PYGB: variants seen among roughly 807,000 people sequenced by gnomAD.
The protein encoded by PYGB is glycogen phosphorylase B.
A neutral mutation model predicts 94.3 loss-of-function variants in PYGB; 82 were observed. The ratio of observed to expected loss-of-function variants is 0.87; its 90% CI spans 0.73 to 1.04. PYGB has a LOEUF of 1.04. Ranked by LOEUF, PYGB falls within the 50% of genes least tolerant of loss-of-function variation. The pLI is 0.00. For missense variants in PYGB, 1,132 were observed against 1,158.2 expected (o/e 0.98, Z 0.33); for synonymous variants, 488 against 479.1 (o/e 1.02, Z -0.24).
chr20:25,295,635 A>C lies in PYGB; in HGVS notation c.2344A>C (p.Met782Leu), dbSNP rs1568701998. 2 of 1,614,086 alleles carry C rather than the reference A, an allele frequency of 1.2e-6. No homozygotes were observed. The highest frequency in any genetic ancestry group is 1.7e-6 in the Non-Finnish European group (2 of 1,179,994). ...GGTGTTTGCAGACTATGAAGCCTAC[A>C]TGCAGTGCCAGGCACAGGTGGACCA... ...FKVFADYEAYMQCQAQVDQLY... is the reference protein window; with the variant it reads ...FKVFADYEAYLQCQAQVDQLY... Residue 782 changes from methionine to leucine, a missense_variant, in exon 19 of 20, where the codon ATG becomes CTG. Coordinates refer to ENST00000216962, the MANE Select transcript of PYGB (RefSeq NM_002862.4).
At chr20:25,263,432 G>C (rs140966142) in intron 2 of PYGB, among the ~76,000 whole-genome samples, 2 of 152,154 alleles carry the variant, frequency 1.3e-5, no homozygotes, top group African/African-American at 4.8e-5. Context: ...TAGTAACTAA[G>C]AGCAGAACTG....
At chr20:25,282,501 G>T (rs897297729) in intron 12 of PYGB, among the ~76,000 whole-genome samples, 1 of 152,270 alleles carries the variant, frequency 6.6e-6, no homozygotes, top group Non-Finnish European at 1.5e-5. Context: ...CAAGCTCCCT[G>T]AGGAAATGAG....
At chr20:25,273,487 T>C (rs1417798687) in intron 4 of PYGB, among the ~76,000 whole-genome samples, 2 of 152,232 alleles carry the variant, frequency 1.3e-5, no homozygotes, top group Admixed American at 1.3e-4. Flanking sequence ...GGGCTGCCTG[T>C]TCATTCTGAA....
intron 11 of PYGB, among the ~76,000 whole-genome samples, 166 bp downstream of exon 11, chr20:25,281,278 T>C (rs2088364865): frequency 6.6e-6 from 1 of 152,168 alleles, no homozygotes; most frequent in Non-Finnish European, 1.5e-5. Flanking sequence ...CCTGTCAGGG[T>C]CACGCCTTGT....
At chr20:25,278,577 T>C in intron 8 of PYGB, 115 bp downstream of exon 8, 1 of 1,371,652 alleles carries the variant, frequency 7.3e-7, no homozygotes, top group Non-Finnish European at 9.8e-7. Flanking sequence ...ATGCCCCTTG[T>C]CTTGGGGTCT....
At position 25,296,477 on chromosome 20, in the gene PYGB, G is replaced by C. The variant is rs1457762145; in HGVS notation, c.2487G>C (p.Glu829Asp). 6.8e-6 allele frequency: 11 copies of C among 1,613,744 alleles called. No individual in the cohort carries two copies. The highest frequency in any genetic ancestry group is 4.0e-5 in the African/African-American group (3 of 74,934). The stretch of plus-strand genomic sequence containing the variant: ...ATGCACGGGAGATCTGGGGTGTGGA[G>C]CCCTCCGACCTGCAGATCCCGCCCC... ...TEYAREIWGV[E>D]PSDLQIPPPN... Residue 829 changes from glutamate to aspartate, a missense_variant, in exon 20 of 20, where the codon GAG (glutamate) becomes GAC (aspartate). Coordinates refer to ENST00000216962, the MANE Select transcript of PYGB (RefSeq NM_002862.4).
chr20:25,248,189 C>A lies in PYGB; in HGVS notation c.11C>A (p.Pro4Gln), dbSNP rs942149325. The A allele has an allele frequency of 6.3e-7, 1 of 1,591,296 alleles. No homozygotes were observed. The highest frequency in any genetic ancestry group is 1.7e-4 in the Middle Eastern group (1 of 5,974). MAK[P>Q]LTDSEKRKQI... ...GCCTCCGCCGGCGCGATGGCGAAGC[C>A]GCTGACGGACAGCGAGAAGCGGAAG... Residue 4 changes from proline to glutamine, a missense_variant, in exon 1 of 20, where the codon CCG (proline) becomes CAG (glutamine). Pro to Gln is a moderately conservative substitution (Grantham distance 76). Coordinates refer to ENST00000216962, the MANE Select transcript of PYGB (RefSeq NM_002862.4).
intron 3 of PYGB, 21 bp downstream of exon 3, chr20:25,269,228 G>A (rs201302979): frequency 1.9e-6 from 3 of 1,541,042 alleles, no homozygotes; most frequent in African/African-American, 1.4e-5. Context: ...CCATCCAGGA[G>A]GAGCTCTCTC....
At chr20:25,266,352 T>G (rs1485214136) in intron 2 of PYGB, among the ~76,000 whole-genome samples, 3 of 152,026 alleles carry the variant, frequency 2.0e-5, no homozygotes, top group African/African-American at 7.2e-5. Context: ...TACATGCAAA[T>G]AAATGAAATC....
chr20:25,251,097 C>G (rs951144400), intron 1 of PYGB: 1 of 152,212 alleles, frequency 6.6e-6, no homozygotes, highest in Non-Finnish European at 1.5e-5. Context: ...TCAAGCTTTG[C>G]CATGCTTGGC....
intron 9 of PYGB, among the ~76,000 whole-genome samples, 174 bp from the exon 10 acceptor site, chr20:25,280,092 C>G (rs1047802609): frequency 6.6e-6 from 1 of 152,212 alleles, no homozygotes; most frequent in Non-Finnish European, 1.5e-5. Flanking sequence ...CTCTGGGCTG[C>G]GTGTCAGGCT....
At chr20:25,251,340 T>C (rs1327525656) in intron 1 of PYGB, 1 of 152,268 alleles carries the variant, frequency 6.6e-6, no homozygotes, top group Non-Finnish European at 1.5e-5. Flanking sequence ...AACTGTGGGC[T>C]TGGGCGGATT....
intron 1 of PYGB, among the ~76,000 whole-genome samples, chr20:25,257,038 C>G (rs913170412): frequency 4.6e-5 from 7 of 152,176 alleles, no homozygotes; most frequent in Admixed American, 2.6e-4. Context: ...GGTCACCCAG[C>G]TAGCCAGGGC....
chr20:25,288,472 A>T lies in PYGB; in HGVS notation c.1816A>T (p.Ile606Phe). The change falls in exon 15 of 20, where the codon ATT becomes TTT. Residue 606 changes from isoleucine (I) to phenylalanine (F), a missense_variant. Physicochemically the swap from Ile to Phe is conservative, Grantham distance 21. Coordinates refer to ENST00000216962, the MANE Select transcript of PYGB (RefSeq NM_002862.4). ...AKAFVPRTVM[I>F]GGKAAPGYHM... ...GGCTTTTGTGCCCAGGACTGTTATGATTGGGGGCAAGGTGAGTGACTTCCT... is the reference window on the plus strand; with the variant it reads ...GGCTTTTGTGCCCAGGACTGTTATGTTTGGGGGCAAGGTGAGTGACTTCCT... 6.2e-7 allele frequency: 1 copy of T among 1,613,442 alleles called. No individual in the cohort carries two copies. The highest frequency in any genetic ancestry group is 8.5e-7 in the Non-Finnish European group (1 of 1,179,844).
At chr20:25,261,482 G>A (rs529133052) in intron 2 of PYGB, among the ~76,000 whole-genome samples, 17 of 152,318 alleles carry the variant, frequency 1.1e-4, no homozygotes, top group African/African-American at 3.1e-4. Context: ...CCGTCTGTAC[G>A]TCACCATCAT....
At chr20:25,252,605 C>G (rs191349196) in intron 1 of PYGB, among the ~76,000 whole-genome samples, 4 of 152,200 alleles carry the variant, frequency 2.6e-5, no homozygotes, top group Non-Finnish European at 5.9e-5. Flanking sequence ...ACTTCACTTG[C>G]GTTTACCAAT....
In PYGB at chr20:25,290,528, C is replaced by T. The variant is rs200579423; in HGVS notation, c.1875C>T (p.Thr625=). ...CCAAGCTGATCATCAAGTTGGTCACCTCCATCGGCGACGTCGTCAATCATG... is the reference window on the plus strand; with the variant it reads ...CCAAGCTGATCATCAAGTTGGTCACTTCCATCGGCGACGTCGTCAATCATG... ...HMAKLIIKLV[T]SIGDVVNHDP... is the part of the protein sequence containing the mutation. Residue 625 remains threonine (T), a synonymous_variant, in exon 16 of 20, where the codon ACC becomes ACT. Coordinates refer to ENST00000216962, the MANE Select transcript of PYGB (RefSeq NM_002862.4). 9.1e-5 allele frequency: 147 copies of T among 1,611,602 alleles called. No homozygotes were observed. Among genetic ancestry groups the T allele is most frequent in the Non-Finnish European group, 1.2e-4 (146 of 1,177,890 alleles).
chr20:25,295,900 C>T (rs1392142786), intron 19 of PYGB, among the ~76,000 whole-genome samples: 4 of 152,208 alleles, frequency 2.6e-5, no homozygotes, highest in South Asian at 4.1e-4. Flanking sequence ...AAGGAATGTG[C>T]GGCCTGGAAA....
intron 1 of PYGB, 63 bp downstream of exon 1, chr20:25,248,484 GC>G (rs1456211166): frequency 7.0e-6 from 9 of 1,293,072 alleles, no homozygotes; most frequent in African/African-American, 1.5e-5. Context: ...CCGGAGCCGC[GC>G]CAGCGGGGGT....
Sources: gnomAD v4.1 joint callset for allele counts (sites outside exome capture counted in the v4.1 genomes callset) on GRCh38, gnomAD v4.1.1 for gene constraint, MANE v1.5 for transcripts, NCBI Gene and HGNC (gene_info 2026-07-23, HGNC 2026-07-21) for gene names.